DGKI: variants seen among roughly 807,000 people sequenced by gnomAD.
The protein encoded by DGKI is DAG kinase iota.
Under a neutral mutation model 147.5 loss-of-function variants are expected in DGKI, and 55 were observed. The observed-to-expected ratio is 0.37, with a 90% CI of 0.30 to 0.47. The LOEUF (loss-of-function observed/expected upper bound fraction) is 0.47, where lower values mean the gene tolerates loss of function less well. Ranked by LOEUF, DGKI falls within the 20% of genes least tolerant of loss-of-function variation. DGKI has a pLI of 1.00. For synonymous variants in DGKI, 469 were observed against 477.1 expected (o/e 0.98, Z 0.22); for missense variants, 1,007 against 1,323.8 (o/e 0.76, Z 3.71).
In DGKI at chr7:137,790,333, A is replaced by C. The variant is rs538080603; in HGVS notation, c.401+56129T>G. ...CTGCATTCAAAGCCAGAGAAAAGGG[A>C]TCAATGTATTCATGATCCGAAGACT... On this transcript the variant is annotated intron_variant, in intron 1 of 32. Coordinates refer to ENST00000614521, the MANE Select transcript of DGKI (RefSeq NM_001321708.2). Among the ~76,000 whole-genome samples the C allele has an allele frequency of 2.6e-5, 4 of 152,180 alleles. No individual in the cohort carries two copies. The South Asian group carries it at 8.3e-4, about 32-fold the overall frequency.
rs1376607 is a variant in DGKI, at chr7:137,390,014, A to G, written c.*1206T>C. On this transcript the variant is annotated 3_prime_UTR_variant, in exon 33 of 33. Transcript: ENST00000614521. ...ACAAGCCTTTGTTCTTGGGTCAAGG[A>G]TTACTTGGAGTAATGAAAACCAAAA... 42,588 of 151,894 alleles carry G rather than the reference A, an allele frequency of 0.28. 6,984 individuals are homozygous for G. Among genetic ancestry groups the G allele is most frequent in the Admixed American group, 0.35 (5,401 of 15,258 alleles). The allele number at this position is 151,894 out of a possible 1,614,324, so 9.4% of individuals were successfully genotyped here.
At position 137,624,780 on chromosome 7, in the gene DGKI, A is replaced by ATT. The variant is rs11436209; in HGVS notation, c.805-1228_805-1227dup. On this transcript the variant is annotated intron_variant, in intron 6 of 32. Coordinates refer to ENST00000614521, the MANE Select transcript of DGKI (RefSeq NM_001321708.2). ...CCACCACGCCTGGCTAATTTTTTGT[A>ATT]TTTTTTTAGTAGAGACAGGGTTTCA... Among the ~76,000 whole-genome samples the ATT allele has an allele frequency of 7.0e-3, 1,055 of 150,628 alleles. 15 individuals are homozygous for ATT. Among genetic ancestry groups the ATT allele is most frequent in the African/African-American group, 0.024 (995 of 41,038 alleles).
chr7:137,654,964 G>C (rs955980489), intron 4 of DGKI, among the ~76,000 whole-genome samples, 176 bp from the exon 5 acceptor site: 2 of 151,674 alleles, frequency 1.3e-5, no homozygotes, highest in Admixed American at 6.6e-5. Context: ...AATCAACAGA[G>C]ATCCCAGGTG....
At chr7:137,632,574 A>G (rs1368794089) in intron 6 of DGKI, among the ~76,000 whole-genome samples, 10 of 152,128 alleles carry the variant, frequency 6.6e-5, no homozygotes, top group Admixed American at 2.0e-4. Context: ...AAATAAAGAT[A>G]CAGGCCGGGC....
At chr7:137,420,773 C>T (rs1427975165) in intron 28 of DGKI, among the ~76,000 whole-genome samples, 2 of 152,160 alleles carry the variant, frequency 1.3e-5, no homozygotes, top group African/African-American at 4.8e-5. Flanking sequence ...AATCCCAGCA[C>T]TTTGGGAGGC....
intron 20 of DGKI, among the ~76,000 whole-genome samples, chr7:137,551,776 AAAGAG>A (rs1818053093): frequency 6.6e-6 from 1 of 152,218 alleles, no homozygotes; most frequent in Non-Finnish European, 1.5e-5. Context: ...TCAGGGGTAG[AAAGAG>A]TGGGTCAGGC....
At chr7:137,752,138 C>T (rs1007232891) in intron 1 of DGKI, among the ~76,000 whole-genome samples, 6 of 152,094 alleles carry the variant, frequency 3.9e-5, no homozygotes, top group African/African-American at 1.4e-4. Flanking sequence ...CTATCCTATT[C>T]CAAAAGATTT....
Position 137,403,739 on chromosome 7 carries a change from T to C in DGKI, c.2920+4136A>G, listed in dbSNP as rs367782585. Among the ~76,000 whole-genome samples, 24 of 152,314 alleles carry C rather than the reference T, an allele frequency of 1.6e-4. No homozygotes were observed. In the East Asian group the frequency reaches 3.9e-3, roughly 24 times the overall value. On this transcript the variant is annotated intron_variant, in intron 30 of 32. Transcript: ENST00000614521. ...AACCATGGGACAGACATAAACCAAA[T>C]TGTAAAAAATAAGTAAATAAACAAC... is the stretch of plus-strand genomic sequence containing the variant.
chr7:137,569,523 T>A (rs973472705), intron 19 of DGKI, among the ~76,000 whole-genome samples: 33 of 151,586 alleles, frequency 2.2e-4, no homozygotes, highest in Admixed American at 2.2e-3. Context: ...GGTCAGGAGA[T>A]CGAGACCATC....
intron 19 of DGKI, among the ~76,000 whole-genome samples, chr7:137,558,451 T>A (rs192142095): frequency 6.6e-6 from 1 of 152,204 alleles, no homozygotes; most frequent in African/African-American, 2.4e-5. Flanking sequence ...TTTCGTTTTG[T>A]ATTTTTAGTA....
Position 137,553,950 on chromosome 7 carries a change from C to A in DGKI, c.1948-1382G>T, listed in dbSNP as rs550941592. Among the ~76,000 whole-genome samples the A allele has an allele frequency of 9.2e-5, 14 of 152,294 alleles. No individual in the cohort carries two copies. The South Asian group carries it at 2.9e-3, about 32-fold the overall frequency. ...AGGTATTCTGCTGAGTCTAACCGGACTGAAAATGGCTTGAACACCTTCCAA... is the reference window on the plus strand; with the variant it reads ...AGGTATTCTGCTGAGTCTAACCGGAATGAAAATGGCTTGAACACCTTCCAA... On this transcript the variant is annotated intron_variant, in intron 19 of 32. Coordinates refer to ENST00000614521, the MANE Select transcript of DGKI (RefSeq NM_001321708.2).
chr7:137,724,066 AAGAG>A (rs34250953), intron 1 of DGKI, among the ~76,000 whole-genome samples: 20 of 149,850 alleles, frequency 1.3e-4, no homozygotes, highest in South Asian at 4.2e-4. Flanking sequence ...TACATTAGGT[AAGAG>A]AGAGAGAGAG....
intron 1 of DGKI, among the ~76,000 whole-genome samples, chr7:137,824,916 T>A (rs980615932): frequency 1.2e-4 from 19 of 152,236 alleles, no homozygotes; most frequent in African/African-American, 4.6e-4. Flanking sequence ...TGCATAGTAC[T>A]CCATGGTGTA....
At chr7:137,734,706 C>G (rs34823797) in intron 1 of DGKI, among the ~76,000 whole-genome samples, 1 of 151,954 alleles carries the variant, frequency 6.6e-6, no homozygotes, top group East Asian at 1.9e-4. Context: ...CTCCTATATT[C>G]CTGACCCACA....
intron 14 of DGKI, among the ~76,000 whole-genome samples, chr7:137,583,809 T>A (rs1007419574): frequency 2.6e-5 from 4 of 151,716 alleles, no homozygotes; most frequent in Admixed American, 1.3e-4. Context: ...TCAAACACAT[T>A]AAAAAAAAGC....
At chr7:137,724,279 AG>A (rs1364278806) in intron 1 of DGKI, among the ~76,000 whole-genome samples, 1 of 152,194 alleles carries the variant, frequency 6.6e-6, no homozygotes, top group Admixed American at 6.5e-5. Flanking sequence ...GGCCATGGTG[AG>A]GACCTTGGAT....
intron 1 of DGKI, among the ~76,000 whole-genome samples, chr7:137,763,350 G>A (rs73152535): frequency 0.22 from 33,391 of 152,030 alleles, 4,634 homozygotes; most frequent in Middle Eastern, 0.41. Flanking sequence ...CAAATGTCTC[G>A]CAGGATCCTA....
rs956664956 is a variant in DGKI, at chr7:137,383,248, C to T, written c.*7972G>A. ...CAAAATTGCTAGCCAATTTCCAAAT[C>T]TCCTAAATTGGCTAACAATTGGCAA... On this transcript the variant is annotated 3_prime_UTR_variant, in exon 33 of 33. Transcript: ENST00000614521. The T allele has an allele frequency of 5.3e-5, 8 of 150,738 alleles. No individual in the cohort carries two copies. The highest frequency in any genetic ancestry group is 1.9e-4 in the African/African-American group (8 of 41,090). 9.3% of individuals were successfully genotyped at this position (150,738 alleles called of 1,614,324 possible). A position where few individuals can be genotyped will look rare whatever the true frequency, so the allele number is the denominator to read the frequency against.
intron 28 of DGKI, among the ~76,000 whole-genome samples, chr7:137,423,852 T>C (rs547434895): frequency 6.6e-6 from 1 of 152,298 alleles, no homozygotes; most frequent in African/African-American, 2.4e-5. Context: ...TAAATATAGA[T>C]TATTTGCATT....
Sources: gnomAD v4.1 joint callset for allele counts (sites outside exome capture counted in the v4.1 genomes callset) on GRCh38, gnomAD v4.1.1 for gene constraint, MANE v1.5 for transcripts, NCBI Gene and HGNC (gene_info 2026-07-23, HGNC 2026-07-21) for gene names.